The following ATAD3B variants were observed in gnomAD, a reference collection of about 807,000 sequenced individuals.
The protein encoded by ATAD3B is ATPase family AAA domain containing 3B.
A neutral mutation model predicts 70.2 loss-of-function variants in ATAD3B; 59 were observed. The observed-to-expected ratio is 0.84, with a 90% CI of 0.68 to 1.04. The LOEUF (loss-of-function observed/expected upper bound fraction) is 1.04, where lower values mean the gene tolerates loss of function less well. ATAD3B is among the 50% of genes least tolerant of loss of function. The probability of loss-of-function intolerance (pLI) is 0.00; values close to 1 mark genes in which losing one functional copy is unlikely to be tolerated. For missense variants in ATAD3B, 961 were observed against 913.4 expected (o/e 1.05, Z -0.67); for synonymous variants, 423 against 388.6 (o/e 1.09, Z -1.04).
At position 1,487,901 on chromosome 1, in the gene ATAD3B, GGAAGC is replaced by G. The variant is rs374004343; in HGVS notation, c.1256_1260del (p.Lys419SerfsTer3). The G allele has an allele frequency of 5.0e-6, 8 of 1,612,842 alleles. No homozygotes were observed. The East Asian group carries it at 1.6e-4, about 31-fold the overall frequency. On this transcript the variant is annotated frameshift_variant, in exon 12 of 16. Transcript: ENST00000673477. LOFTEE classifies it high-confidence loss of function. ...ATGGATGAAGCAGACGCCTTCCTTC[GGAAGC>G]GAGCCACTGTGAGTGTCACTAAGCC...
chr1:1,489,537 C>A (rs991936489), intron 13 of ATAD3B: 1 of 989,354 alleles, frequency 1.0e-6, no homozygotes, highest in Non-Finnish European at 1.5e-6. Context: ...GGTCCCTCTG[C>A]CCCTAGATTT....
At chr1:1,478,475 C>T in intron 2 of ATAD3B, 169 bp from the exon 3 acceptor site, 1 of 1,547,224 alleles carries the variant, frequency 6.5e-7, no homozygotes. Flanking sequence ...GTCTGGATTC[C>T]TCCAGGGCCT....
rs149187984 is a variant in ATAD3B at position 1,490,436 on chromosome 1, G to A, written c.1505+12G>A. ...ACAGAAGGAAAACGGTGAGTGTCCCGCCTCACCCGGCCCCCAATCCAGGCA... is the reference window on the plus strand; with the variant it reads ...ACAGAAGGAAAACGGTGAGTGTCCCACCTCACCCGGCCCCCAATCCAGGCA... On this transcript the variant is annotated intron_variant, in intron 14 of 15. Coordinates refer to ENST00000673477, the MANE Select transcript of ATAD3B (RefSeq NM_031921.6). 0.063 allele frequency: 101,233 copies of A among 1,612,606 alleles called. 5,037 individuals are homozygous for A. Among genetic ancestry groups the A allele is most frequent in the East Asian group, 0.16 (7,083 of 44,846 alleles).
chr1:1,495,246 T>A (rs1186224550), intron 15 of ATAD3B, among the ~76,000 whole-genome samples: 9 of 151,936 alleles, frequency 5.9e-5, no homozygotes, highest in Non-Finnish European at 1.3e-4. Flanking sequence ...TTTTCTATTA[T>A]CAGAAAGTCA....
At chr1:1,477,195 A>T in intron 1 of ATAD3B, 79 bp from the exon 2 acceptor site, 1 of 1,554,228 alleles carries the variant, frequency 6.4e-7, no homozygotes, top group Admixed American at 1.8e-5. Flanking sequence ...TTTTTAGTAG[A>T]GGTTGGGTTT....
chr1:1,491,888 C>G (rs1158182170), intron 15 of ATAD3B, among the ~76,000 whole-genome samples: 2 of 151,916 alleles, frequency 1.3e-5, no homozygotes, highest in African/African-American at 4.8e-5. Flanking sequence ...GTTTCCACAA[C>G]TCAGAAAGTG....
At chr1:1,506,787 C>CTTTTTTTT in the ATAD3B span, among the ~76,000 whole-genome samples, 127 of 119,992 alleles carry the variant, frequency 1.1e-3, no homozygotes, top group African/African-American at 1.9e-3. Context: ...TTTCTTTTTT[C>CTTTTTTTT]TTTTTTTTTT....
At chr1:1,475,762 G>A (rs1044783487) in intron 1 of ATAD3B, among the ~76,000 whole-genome samples, 4 of 151,898 alleles carry the variant, frequency 2.6e-5, no homozygotes, top group Admixed American at 2.6e-4. Context: ...TCACACCAAA[G>A]TGGTGAATGA....
At chr1:1,498,973 T>A (rs1640879851), downstream of ATAD3B, among the ~76,000 whole-genome samples, 1 of 148,292 alleles carries the variant, frequency 6.7e-6, no homozygotes, top group South Asian at 2.1e-4. Context: ...TTCCTCTTTT[T>A]TTTTTTTTTT....
chr1:1,474,727 C>T (rs1017366168), intron 1 of ATAD3B, among the ~76,000 whole-genome samples: 1 of 151,956 alleles, frequency 6.6e-6, no homozygotes, highest in African/African-American at 2.4e-5. Context: ...GTCTTGAATT[C>T]TGGCCTCAGG....
the ATAD3B span, chr1:1,509,357 T>C: frequency 1.0e-4 from 165 of 1,609,904 alleles, no homozygotes; most frequent in Middle Eastern, 8.3e-4. Context: ...CCTGAGTCCA[T>C]GGGGAGACCA....
chr1:1,481,913 C>T (rs543530419), intron 5 of ATAD3B, among the ~76,000 whole-genome samples: 5 of 151,462 alleles, frequency 3.3e-5, no homozygotes, highest in African/African-American at 4.9e-5. Context: ...TGGCGTGGGC[C>T]GGTCCACGGC....
chr1:1,479,935 A>C (rs1639816717), intron 4 of ATAD3B, among the ~76,000 whole-genome samples: 1 of 134,334 alleles, frequency 7.4e-6, no homozygotes, highest in Non-Finnish European at 1.6e-5. Context: ...GACATGCACA[A>C]ACACCCACCT....
the ATAD3B span, chr1:1,503,664 G>A: frequency 6.2e-7 from 1 of 1,611,718 alleles, no homozygotes; most frequent in Non-Finnish European, 8.5e-7. Flanking sequence ...AGCTCAAAGT[G>A]AGTGGGGCCG....
chr1:1,504,867 C>T, the ATAD3B span, among the ~76,000 whole-genome samples: 1 of 152,108 alleles, frequency 6.6e-6, no homozygotes, highest in Non-Finnish European at 1.5e-5. Flanking sequence ...GCTCATCCTG[C>T]ACTGCTCACA....
intron 7 of ATAD3B, chr1:1,484,687 G>A (rs1640105212): frequency 8.6e-6 from 3 of 348,946 alleles, no homozygotes; most frequent in Non-Finnish European, 1.5e-5. Context: ...ACCATTTTTA[G>A]TGGCCAAGGA....
intron 1 of ATAD3B, among the ~76,000 whole-genome samples, chr1:1,474,766 G>T (rs767731510): frequency 6.6e-6 from 1 of 152,018 alleles, no homozygotes; most frequent in Non-Finnish European, 1.5e-5. Context: ...CTCCCAAAGC[G>T]CTGGGATGAC....
intron 13 of ATAD3B, 58 bp from the exon 14 acceptor site, chr1:1,490,199 C>T: frequency 6.3e-7 from 1 of 1,586,176 alleles, no homozygotes; most frequent in Non-Finnish European, 8.6e-7. Context: ...GCCCCCGTTG[C>T]CCTCGGGGCA....
rs928535064 is a variant in ATAD3B at position 1,479,362 on chromosome 1, C to T, written c.444+254C>T. Among the ~76,000 whole-genome samples the T allele has an allele frequency of 5.5e-5, 8 of 146,658 alleles. No individual in the cohort carries two copies. The South Asian group carries it at 6.6e-4, about 12-fold the overall frequency. On this transcript the variant is annotated intron_variant, in intron 4 of 15. Transcript: ENST00000673477. Reference sequence around the variant, plus strand: ...CACACACTCCTCGCACACACACTCCCGGCAGACAGGCACACACACCCCTGC... The same window carrying T: ...CACACACTCCTCGCACACACACTCCTGGCAGACAGGCACACACACCCCTGC...
Sources: gnomAD v4.1 joint callset for allele counts (sites outside exome capture counted in the v4.1 genomes callset) on GRCh38, gnomAD v4.1.1 for gene constraint, MANE v1.5 for transcripts, NCBI Gene and HGNC (gene_info 2026-07-23, HGNC 2026-07-21) for gene names.